Variants in ZFHX3 observed in about 807,000 individuals in gnomAD.
The protein encoded by ZFHX3 is zinc finger homeobox 3.
ZFHX3 carries 42 observed loss-of-function variants against 279.1 expected under a neutral mutation model. That is an observed-to-expected ratio of 0.15 (90% CI 0.12 to 0.19). The LOEUF (loss-of-function observed/expected upper bound fraction) is 0.19. Among genes scored for constraint, ZFHX3 ranks in the 10% least tolerant of loss-of-function variants. The pLI, the probability that ZFHX3 is intolerant of heterozygous loss-of-function variation, is 1.00. For synonymous variants in ZFHX3, 2,293 were observed against 1,957.8 expected (o/e 1.17, Z -4.52); for missense variants, 4,981 against 4,754.0 (o/e 1.05, Z -1.40).
At chr16:73,029,363 G>C (rs1964616536) in intron 1 of ZFHX3, among the ~76,000 whole-genome samples, 1 of 152,162 alleles carries the variant, frequency 6.6e-6, no homozygotes, top group Non-Finnish European at 1.5e-5. Flanking sequence ...AACGCTCCTT[G>C]GTCACAGGGT....
In ZFHX3 at chr16:72,796,007, G is replaced by A; in HGVS notation, c.6675C>T (p.Asp2225=). The change falls in exon 9 of 10, where the codon GAC becomes GAT. Residue 2225 remains aspartate, a synonymous_variant. Transcript: ENST00000268489. The stretch of plus-strand genomic sequence containing the variant: ...GAGGTTCCGGCGAAGGGGGCCGGGA[G>A]TCAATCTTGAGCTCCTCCAGGCTGG... ...PITSLEELKI[D]SRPPSPEPPK... The A allele has an allele frequency of 6.2e-7, 1 of 1,614,200 alleles. No homozygotes were observed. The highest frequency in any genetic ancestry group is 8.5e-7 in the Non-Finnish European group (1 of 1,180,040).
At chr16:73,025,654 T>A in intron 1 of ZFHX3, among the ~76,000 whole-genome samples, 1 of 152,258 alleles carries the variant, frequency 6.6e-6, no homozygotes, top group East Asian at 1.9e-4. Flanking sequence ...AGGTCTGGCA[T>A]CTGGCCCCCT....
chr16:73,847,739 A>G (rs1961484503), intron 1 of ZFHX3, among the ~76,000 whole-genome samples: 2 of 151,684 alleles, frequency 1.3e-5, no homozygotes, highest in South Asian at 4.2e-4. Flanking sequence ...TTGATAAGTA[A>G]TATTTATTAT....
At chr16:73,040,057 G>A (rs1309127099) in intron 1 of ZFHX3, among the ~76,000 whole-genome samples, 1 of 152,188 alleles carries the variant, frequency 6.6e-6, no homozygotes, top group Non-Finnish European at 1.5e-5. Context: ...CAAGCTAGTA[G>A]GTAAACATGG....
rs983276355 is a variant in ZFHX3, at chr16:73,373,147, G to C, written c.-1290-54811C>G. Reference sequence around the variant, plus strand: ...GGGGCGCTGGTGAGGAGGTTTGGGGGGGGGGTGGTTCCAAAGTCTCCAGAT... The same window carrying C: ...GGGGCGCTGGTGAGGAGGTTTGGGGCGGGGGTGGTTCCAAAGTCTCCAGAT... On this transcript the variant is annotated intron_variant, in intron 3 of 17. Transcript: ENST00000641206. Among the ~76,000 whole-genome samples, 15 of 152,016 alleles carry C rather than the reference G, an allele frequency of 9.9e-5. No homozygotes were observed. The East Asian group carries it at 1.9e-3, about 20-fold the overall frequency.
chr16:73,042,060 G>C (rs1965138360), intron 1 of ZFHX3, among the ~76,000 whole-genome samples: 1 of 152,196 alleles, frequency 6.6e-6, no homozygotes, highest in Non-Finnish European at 1.5e-5. Flanking sequence ...GAAGCATGGG[G>C]AGCAGCTCAG....
intron 5 of ZFHX3, among the ~76,000 whole-genome samples, chr16:73,256,199 G>T (rs938446882): frequency 1.3e-5 from 2 of 152,102 alleles, no homozygotes; most frequent in Non-Finnish European, 2.9e-5. Flanking sequence ...GTCAAGGGAG[G>T]CAGAGCCAAT....
intron 5 of ZFHX3, among the ~76,000 whole-genome samples, chr16:73,149,466 C>T (rs949166545): frequency 6.6e-6 from 1 of 152,114 alleles, no homozygotes; most frequent in Middle Eastern, 3.2e-3. Context: ...ATTCAGTTGG[C>T]CACTCACTCC....
At chr16:72,849,965 T>C (rs1234592493) in intron 4 of ZFHX3, among the ~76,000 whole-genome samples, 1 of 144,854 alleles carries the variant, frequency 6.9e-6, no homozygotes, top group African/African-American at 2.6e-5. Context: ...ATGACAAAAG[T>C]GCTAAGCTAC....
intron 1 of ZFHX3, among the ~76,000 whole-genome samples, chr16:73,762,211 G>T (rs1170598627): frequency 6.6e-6 from 1 of 151,386 alleles, no homozygotes; most frequent in Non-Finnish European, 1.5e-5. Context: ...ATATTTATGT[G>T]GCCAACAAAC....
intron 1 of ZFHX3, among the ~76,000 whole-genome samples, chr16:73,697,870 G>A (rs2053211973): frequency 6.6e-6 from 1 of 152,118 alleles, no homozygotes; most frequent in Admixed American, 6.6e-5. Context: ...CTCTGTTTGT[G>A]GAAACGGCCT....
At chr16:73,306,303 A>G (rs1296731025) in intron 4 of ZFHX3, among the ~76,000 whole-genome samples, 1 of 152,180 alleles carries the variant, frequency 6.6e-6, no homozygotes, top group Non-Finnish European at 1.5e-5. Flanking sequence ...GAATATCTGC[A>G]TTTAACACAT....
intron 2 of ZFHX3, among the ~76,000 whole-genome samples, chr16:73,664,733 T>C (rs1204223064): frequency 6.6e-6 from 1 of 152,198 alleles, no homozygotes; most frequent in Non-Finnish European, 1.5e-5. Context: ...AGCTACCACC[T>C]GGTTACAGCA....
intron 2 of ZFHX3, among the ~76,000 whole-genome samples, chr16:73,582,840 T>C (rs768760331): frequency 6.6e-6 from 1 of 151,458 alleles, no homozygotes; most frequent in Admixed American, 6.6e-5. Flanking sequence ...TTATATAAGA[T>C]GATACTCAGC....
intron 8 of ZFHX3, among the ~76,000 whole-genome samples, chr16:73,074,657 A>T (rs576847663): frequency 1.4e-5 from 2 of 142,780 alleles, no homozygotes; most frequent in African/African-American, 5.0e-5. Flanking sequence ...CAAGATGAAG[A>T]TAGTTCTGGG....
intron 4 of ZFHX3, among the ~76,000 whole-genome samples, chr16:73,305,684 G>GC (rs1411679247): frequency 6.6e-6 from 1 of 151,912 alleles, no homozygotes; most frequent in Non-Finnish European, 1.5e-5. Flanking sequence ...TCCTTGTAGT[G>GC]CCCCAAGTTC....
intron 1 of ZFHX3, among the ~76,000 whole-genome samples, chr16:73,854,937 T>A (rs755255886): frequency 2.0e-4 from 31 of 151,928 alleles, no homozygotes; most frequent in Admixed American, 7.2e-4. Context: ...GGGACATGTA[T>A]GTTGTTATTA....
At chr16:73,676,183 G>C (rs897569971) in intron 2 of ZFHX3, among the ~76,000 whole-genome samples, 7 of 151,938 alleles carry the variant, frequency 4.6e-5, no homozygotes, top group Non-Finnish European at 8.8e-5. Context: ...AAGCTAAGTA[G>C]AAATTATAAA....
chr16:73,240,315 T>A (rs1167542535), intron 5 of ZFHX3, among the ~76,000 whole-genome samples: 1 of 151,934 alleles, frequency 6.6e-6, no homozygotes, highest in African/African-American at 2.4e-5. Context: ...ACCTCCTGGG[T>A]TCAAGTGATT....
Sources: allele counts gnomAD v4.1 joint callset (sites outside exome capture counted in the v4.1 genomes callset), GRCh38; gene constraint gnomAD v4.1.1; transcripts MANE v1.5; gene names NCBI Gene and HGNC (gene_info 2026-07-23, HGNC 2026-07-21).